Variants in ANKDD1B observed in about 807,000 individuals in gnomAD.
The protein encoded by ANKDD1B is ankyrin repeat and death domain-containing protein 1B.
In ANKDD1B, 57 loss-of-function variants were observed where a neutral mutation model predicts 59.7. The observed-to-expected ratio is 0.95, with a 90% CI of 0.77 to 1.19. The LOEUF (loss-of-function observed/expected upper bound fraction) is 1.19, where lower values mean the gene tolerates loss of function less well. Among genes scored for constraint, ANKDD1B ranks in the 50% most tolerant of loss-of-function variants. The probability of loss-of-function intolerance (pLI) is 0.00; values close to 1 mark genes in which losing one functional copy is unlikely to be tolerated. For missense variants in ANKDD1B, 602 were observed against 641.9 expected (o/e 0.94, Z 0.67); for synonymous variants, 216 against 239.5 (o/e 0.90, Z 0.91).
Position 75,611,665 on chromosome 5 carries a change from G to A in ANKDD1B, c.31G>A (p.Gly11Arg), listed in dbSNP as rs539563336. 3.2e-6 allele frequency: 4 copies of A among 1,231,632 alleles called. No homozygotes were observed. The highest frequency in any genetic ancestry group is 4.1e-5 in the South Asian group (1 of 24,322). The allele number at this position is 1,231,632 out of a possible 1,614,324, so 76.3% of individuals were successfully genotyped here. A position where few individuals can be genotyped will look rare whatever the true frequency, so the allele number is the denominator to read the frequency against. ...CCCCGCCGGGCGCGCCCGGGGCCAA[G>A]GGGCCACGGCAGGGGGGCTGCTGCT... The part of the protein sequence containing the change: MDPAGRARGQ[G>R]ATAGGLLLRA... The change falls in exon 1 of 14, where the codon GGG becomes AGG. Residue 11 changes from glycine (G) to arginine (R), a missense_variant. Transcript: ENST00000601380.
intron 12 of ANKDD1B, among the ~76,000 whole-genome samples, chr5:75,667,965 G>A (rs1441719909): frequency 6.6e-6 from 1 of 152,136 alleles, no homozygotes; most frequent in African/African-American, 2.4e-5. Flanking sequence ...ATAATGTATT[G>A]AAAACATTGA....
chr5:75,623,682 C>T (rs1197700238), intron 3 of ANKDD1B, among the ~76,000 whole-genome samples: 1 of 152,074 alleles, frequency 6.6e-6, no homozygotes, highest in Non-Finnish European at 1.5e-5. Flanking sequence ...CCTGATAATT[C>T]TTTGTCGTTG....
chr5:75,617,538 G>A (rs1401192156), intron 2 of ANKDD1B, among the ~76,000 whole-genome samples: 1 of 152,122 alleles, frequency 6.6e-6, no homozygotes, highest in Non-Finnish European at 1.5e-5. Context: ...TTTGAGGCCA[G>A]GTTTATCAAA....
chr5:75,661,414 A>AAAAAAAAAAAAAAAAAAAAG (rs1471501853), intron 10 of ANKDD1B, among the ~76,000 whole-genome samples: 3 of 131,422 alleles, frequency 2.3e-5, no homozygotes, highest in Non-Finnish European at 1.5e-5. Flanking sequence ...AAAAAAAAAA[A>AAAAAAAAAAAAAAAAAAAAG]AAAAAAAAAA....
intron 7 of ANKDD1B, among the ~76,000 whole-genome samples, chr5:75,646,879 C>G (rs1424391932): frequency 1.1e-5 from 1 of 94,928 alleles, no homozygotes; most frequent in Non-Finnish European, 1.8e-5. Context: ...ACCAAAACAG[C>G]ATGGTACTGG....
chr5:75,624,626 C>A (rs1222305738), intron 3 of ANKDD1B, among the ~76,000 whole-genome samples: 2 of 152,030 alleles, frequency 1.3e-5, no homozygotes, highest in African/African-American at 4.8e-5. Flanking sequence ...AAATGAGATC[C>A]TCTTTATAAC....
intron 3 of ANKDD1B, 66 bp from the exon 4 acceptor site, chr5:75,625,581 A>T: frequency 8.1e-7 from 1 of 1,236,740 alleles, no homozygotes; most frequent in Non-Finnish European, 1.1e-6. Flanking sequence ...GCCTTTGTTG[A>T]TGAGGCAGTA....
chr5:75,654,189 C>T (rs1365636155), intron 8 of ANKDD1B, among the ~76,000 whole-genome samples: 1 of 152,176 alleles, frequency 6.6e-6, no homozygotes, highest in Admixed American at 6.5e-5. Flanking sequence ...CCTGTCCCCT[C>T]GTCTCCCCTC....
At chr5:75,642,179 A>G (rs1774487335) in intron 7 of ANKDD1B, among the ~76,000 whole-genome samples, 1 of 152,226 alleles carries the variant, frequency 6.6e-6, no homozygotes, top group African/African-American at 2.4e-5. Flanking sequence ...ATTCCCACTG[A>G]AGTTGCAAGG....
intron 5 of ANKDD1B, among the ~76,000 whole-genome samples, chr5:75,627,746 G>T (rs746742156): frequency 6.6e-6 from 1 of 152,166 alleles, no homozygotes; most frequent in Non-Finnish European, 1.5e-5. Context: ...CCTTCAATGT[G>T]CCCTGATTGC....
chr5:75,644,319 CA>C (rs1774576817), intron 7 of ANKDD1B, among the ~76,000 whole-genome samples: 1 of 84,970 alleles, frequency 1.2e-5, no homozygotes, highest in Non-Finnish European at 2.0e-5. Context: ...GATAAAGAGT[CA>C]AGACCCATCA....
chr5:75,638,520 T>A (rs1253371606), intron 7 of ANKDD1B, among the ~76,000 whole-genome samples: 2 of 152,206 alleles, frequency 1.3e-5, no homozygotes, highest in African/African-American at 2.4e-5. Flanking sequence ...AGTTTGATCA[T>A]GTGGCTATCA....
intron 3 of ANKDD1B, among the ~76,000 whole-genome samples, chr5:75,625,223 C>T (rs534263335): frequency 2.6e-5 from 4 of 152,186 alleles, no homozygotes; most frequent in African/African-American, 9.6e-5. Context: ...TTTTTCTCCT[C>T]CATATGTAAG....
At chr5:75,651,424 A>G (rs776532968) in intron 7 of ANKDD1B, among the ~76,000 whole-genome samples, 4 of 152,262 alleles carry the variant, frequency 2.6e-5, no homozygotes, top group Non-Finnish European at 5.9e-5. Flanking sequence ...GGAGCAGACC[A>G]TCCCCTCAAG....
At chr5:75,661,414 A>AAAAAAAAAAAAAAAAAAAAAAG (rs1471501853) in intron 10 of ANKDD1B, among the ~76,000 whole-genome samples, 1 of 131,422 alleles carries the variant, frequency 7.6e-6, no homozygotes, top group African/African-American at 3.5e-5. Context: ...AAAAAAAAAA[A>AAAAAAAAAAAAAAAAAAAAAAG]AAAAAAAAAA....
chr5:75,651,593 A>C (rs1774833521), intron 7 of ANKDD1B, among the ~76,000 whole-genome samples: 1 of 152,234 alleles, frequency 6.6e-6, no homozygotes, highest in African/African-American at 2.4e-5. Flanking sequence ...GGCAGTAAAC[A>C]GGGCTGCAGG....
Position 75,611,459 on chromosome 5 carries a change from C to T in ANKDD1B, c.-176C>T, listed in dbSNP as rs962420702. Reference sequence around the variant, plus strand: ...GGCTGGAAACTAGGGGCTTGTTGCCCAGCGAACCGCCACAACAGAGAGCGG... The same window carrying T: ...GGCTGGAAACTAGGGGCTTGTTGCCTAGCGAACCGCCACAACAGAGAGCGG... On this transcript the variant is annotated 5_prime_UTR_variant, in exon 1 of 14. Transcript: ENST00000601380. 1.8e-4 allele frequency: 82 copies of T among 443,258 alleles called. No individual in the cohort carries two copies. Among genetic ancestry groups the T allele is most frequent in the African/African-American group, 1.6e-3 (81 of 49,334 alleles). The allele number at this position is 443,258 out of a possible 1,614,324, so 27.5% of individuals were successfully genotyped here.
At chr5:75,612,318 G>GCCCCC (rs757100948) in intron 1 of ANKDD1B, among the ~76,000 whole-genome samples, 1 of 99,570 alleles carries the variant, frequency 1.0e-5, no homozygotes, top group Non-Finnish European at 2.1e-5. Flanking sequence ...GTCTGCCCCC[G>GCCCCC]CCCCCCCCCG....
chr5:75,670,157 T>C (rs1274071687), intron 13 of ANKDD1B, among the ~76,000 whole-genome samples: 2 of 152,250 alleles, frequency 1.3e-5, no homozygotes, highest in Non-Finnish European at 2.9e-5. Flanking sequence ...ACTTTTACCC[T>C]GTTCCCATTG....
Sources: allele counts gnomAD v4.1 joint callset (sites outside exome capture counted in the v4.1 genomes callset), GRCh38; gene constraint gnomAD v4.1.1; transcripts MANE v1.5; gene names NCBI Gene and HGNC (gene_info 2026-07-23, HGNC 2026-07-21).